The following SLC35F3 variants were observed in gnomAD, a reference collection of about 807,000 sequenced individuals.
The protein encoded by SLC35F3 is putative thiamine transporter SLC35F3.
Under a neutral mutation model 49.9 loss-of-function variants are expected in SLC35F3, and 25 were observed. The observed-to-expected ratio is 0.50, with a 90% CI of 0.37 to 0.70. The LOEUF (loss-of-function observed/expected upper bound fraction) is 0.70. Ranked by LOEUF, SLC35F3 falls within the 30% of genes least tolerant of loss-of-function variation. SLC35F3 has a pLI of 0.00. For synonymous variants in SLC35F3, 275 were observed against 265.4 expected (o/e 1.04, Z -0.35); for missense variants, 525 against 639.8 (o/e 0.82, Z 1.94).
chr1:233,949,625 G>A (rs1429174473), intron 2 of SLC35F3, among the ~76,000 whole-genome samples: 2 of 152,214 alleles, frequency 1.3e-5, no homozygotes, highest in Non-Finnish European at 2.9e-5. Flanking sequence ...CACTTGAGAA[G>A]CGTGCCGTCC....
intron 3 of SLC35F3, among the ~76,000 whole-genome samples, chr1:234,275,306 T>A (rs565776508): frequency 2.0e-5 from 3 of 152,102 alleles, no homozygotes; most frequent in Non-Finnish European, 4.4e-5. Flanking sequence ...GATAACATCA[T>A]TGTGGATATG....
chr1:233,975,490 G>C (rs778060112), intron 2 of SLC35F3, among the ~76,000 whole-genome samples: 1 of 152,216 alleles, frequency 6.6e-6, no homozygotes, highest in African/African-American at 2.4e-5. Context: ...TTGTGTTTGG[G>C]GGGAGAATGA....
chr1:234,224,067 T>TGTTTGTTC (rs370136133), intron 2 of SLC35F3, among the ~76,000 whole-genome samples: 381 of 151,968 alleles, frequency 2.5e-3, no homozygotes, highest in African/African-American at 8.4e-3. Flanking sequence ...TTTGTTTGTT[T>TGTTTGTTC]GTTTGTTTGT....
chr1:233,948,228 G>GGAGAGAGAGA (rs150190453), intron 2 of SLC35F3, among the ~76,000 whole-genome samples: 2 of 107,616 alleles, frequency 1.9e-5, no homozygotes, highest in Non-Finnish European at 3.8e-5. Context: ...AGGGAGAGAG[G>GGAGAGAGAGA]GAGAGAGAGA....
intron 2 of SLC35F3, among the ~76,000 whole-genome samples, chr1:234,222,193 C>T (rs1667217630): frequency 6.6e-6 from 1 of 152,154 alleles, no homozygotes; most frequent in African/African-American, 2.4e-5. Context: ...AGAAGCTGTG[C>T]ATCTTCCAAG....
At chr1:233,970,860 CA>C (rs1434254500) in intron 2 of SLC35F3, among the ~76,000 whole-genome samples, 1 of 152,182 alleles carries the variant, frequency 6.6e-6, no homozygotes, top group East Asian at 1.9e-4. Flanking sequence ...TTGCTTAAAC[CA>C]CTGTTTATGT....
chr1:234,105,972 G>A (rs1462531699), intron 2 of SLC35F3, among the ~76,000 whole-genome samples: 1 of 152,220 alleles, frequency 6.6e-6, no homozygotes, highest in Non-Finnish European at 1.5e-5. Flanking sequence ...CTATTATTCC[G>A]GATGTCAGAG....
chr1:234,117,934 G>GTATATATATATA lies in SLC35F3; in HGVS notation c.284-113482_284-113481insATATATATATAT, dbSNP rs1413560304. Reference sequence around the variant, plus strand: ...TATATGTGTGTGTGTGTGTGTGTGTGTGTGTGTGTGTGTGTGTGTGTGTGT... The same window carrying GTATATATATATA: ...TATATGTGTGTGTGTGTGTGTGTGTGTATATATATATATGTGTGTGTGTGTGTGTGTGTGTGT... On this transcript the variant is annotated intron_variant, in intron 2 of 7. Coordinates refer to ENST00000366618, the MANE Select transcript of SLC35F3 (RefSeq NM_173508.4). Among the ~76,000 whole-genome samples the GTATATATATATA allele has an allele frequency of 3.1e-4, 35 of 113,550 alleles. 3 individuals are homozygous for GTATATATATATA. The East Asian group carries it at 0.014, about 46-fold the overall frequency. 74.5% of individuals were successfully genotyped at this position (113,550 alleles called of 152,430 possible).
chr1:233,928,875 A>G (rs187740850), intron 2 of SLC35F3, among the ~76,000 whole-genome samples: 3 of 152,262 alleles, frequency 2.0e-5, no homozygotes, highest in Non-Finnish European at 1.5e-5. Context: ...TCTGATCTCT[A>G]TACCTTATTA....
chr1:234,272,847 G>GCTT (rs1558093731), intron 3 of SLC35F3, among the ~76,000 whole-genome samples: 1 of 152,110 alleles, frequency 6.6e-6, no homozygotes, highest in Non-Finnish European at 1.5e-5. Context: ...CCTGGCTGCT[G>GCTT]CTTCTCCCAG....
At chr1:234,270,990 A>G (rs59121935) in intron 3 of SLC35F3, among the ~76,000 whole-genome samples, 15,769 of 152,250 alleles carry the variant, frequency 0.1, 1,036 homozygotes, top group African/African-American at 0.17. Context: ...AGAAGGGATC[A>G]TCTTCTCTCC....
intron 2 of SLC35F3, among the ~76,000 whole-genome samples, chr1:233,998,544 T>C (rs1371084355): frequency 6.6e-6 from 1 of 150,662 alleles, no homozygotes; most frequent in African/African-American, 2.5e-5. Context: ...ATTTTCCACT[T>C]AGGAAGGGAT....
intron 3 of SLC35F3, among the ~76,000 whole-genome samples, chr1:234,234,419 C>T (rs989669904): frequency 3.9e-5 from 6 of 152,202 alleles, no homozygotes; most frequent in African/African-American, 9.7e-5. Context: ...AGCTCCGCAA[C>T]CTGCAACGCC....
At chr1:234,007,654 G>A (rs1316618369) in intron 2 of SLC35F3, among the ~76,000 whole-genome samples, 1 of 152,176 alleles carries the variant, frequency 6.6e-6, no homozygotes, top group Admixed American at 6.5e-5. Context: ...AACCATAAAA[G>A]TCACAGCACA....
chr1:234,252,904 G>C (rs1207680293), intron 3 of SLC35F3, among the ~76,000 whole-genome samples: 3 of 152,304 alleles, frequency 2.0e-5, no homozygotes, highest in South Asian at 4.2e-4. Context: ...AAGCAAGCAT[G>C]GACGATAAAG....
intron 2 of SLC35F3, among the ~76,000 whole-genome samples, chr1:233,986,760 A>G (rs756281115): frequency 4.6e-5 from 7 of 152,174 alleles, no homozygotes; most frequent in Non-Finnish European, 1.0e-4. Flanking sequence ...CATCTAGATC[A>G]TCTATTTCTT....
chr1:234,055,075 A>G (rs771125498), intron 2 of SLC35F3, among the ~76,000 whole-genome samples: 2 of 152,290 alleles, frequency 1.3e-5, no homozygotes, highest in East Asian at 3.9e-4. Context: ...CCTCCCAGTT[A>G]GACTACTCGG....
At chr1:234,124,331 G>A (rs1016396523) in intron 2 of SLC35F3, among the ~76,000 whole-genome samples, 3 of 152,194 alleles carry the variant, frequency 2.0e-5, no homozygotes, top group South Asian at 2.1e-4. Flanking sequence ...CCTTCTAATC[G>A]GTATTCCCAC....
chr1:234,228,189 A>G (rs1236543501), intron 2 of SLC35F3, among the ~76,000 whole-genome samples: 1 of 152,164 alleles, frequency 6.6e-6, no homozygotes, highest in Non-Finnish European at 1.5e-5. Flanking sequence ...AGTGCATTTC[A>G]GATCTCACCA....
Sources: gnomAD v4.1 joint callset for allele counts (sites outside exome capture counted in the v4.1 genomes callset) on GRCh38, gnomAD v4.1.1 for gene constraint, MANE v1.5 for transcripts, NCBI Gene and HGNC (gene_info 2026-07-23, HGNC 2026-07-21) for gene names.